Variants in CDH15 observed in about 807,000 individuals in gnomAD.
CDH15 encodes cadherin-15.
A neutral mutation model predicts 69.4 loss-of-function variants in CDH15; 73 were observed. The ratio of observed to expected loss-of-function variants is 1.05; its 90% confidence interval spans 0.87 to 1.28. The LOEUF is 1.28. CDH15 is among the 50% of genes most tolerant of loss of function. The probability of loss-of-function intolerance (pLI) is 0.00; values close to 1 mark genes in which losing one functional copy is unlikely to be tolerated. For missense variants in CDH15, 1,343 were observed against 1,133.6 expected (o/e 1.18, Z -2.65); for synonymous variants, 624 against 507.7 (o/e 1.23, Z -3.08).
At chr16:89,184,984 G>T (rs555763419) in intron 4 of CDH15, among the ~76,000 whole-genome samples, 189 bp from the exon 5 acceptor site, 1 of 152,200 alleles carries the variant, frequency 6.6e-6, no homozygotes. Flanking sequence ...GAAGCATCTC[G>T]ACCTGGGGGT....
At chr16:89,190,140 C>T in intron 7 of CDH15, 103 bp from the exon 8 acceptor site, 3 of 1,381,732 alleles carry the variant, frequency 2.2e-6, no homozygotes, top group Non-Finnish European at 3.0e-6. Flanking sequence ...AAGGAAAGTA[C>T]AGGTGCTCTG....
chr16:89,194,447 G>C (rs1304789656), intron 13 of CDH15, among the ~76,000 whole-genome samples: 2 of 152,210 alleles, frequency 1.3e-5, no homozygotes, highest in Non-Finnish European at 2.9e-5. Flanking sequence ...GTCCCCACGA[G>C]CTGAGAGGAC....
intron 5 of CDH15, among the ~76,000 whole-genome samples, chr16:89,186,476 C>T (rs1286767194): frequency 7.6e-6 from 1 of 132,136 alleles, no homozygotes; most frequent in South Asian, 2.5e-4. Context: ...TGTAAAGGCC[C>T]ACCCAGCGCA....
chr16:89,186,746 A>G (rs557557052), intron 5 of CDH15, among the ~76,000 whole-genome samples: 1 of 132,682 alleles, frequency 7.5e-6, no homozygotes, highest in Non-Finnish European at 1.6e-5. Flanking sequence ...CAGCGCACAG[A>G]AGGTGCTCTG....
At position 89,195,378 on chromosome 16, in the gene CDH15, CG is replaced by C; in HGVS notation, c.*226del. 1.7e-6 allele frequency: 1 copy of C among 576,272 alleles called. No homozygotes were observed. Among genetic ancestry groups the C allele is most frequent in the Non-Finnish European group, 3.1e-6 (1 of 326,146 alleles). The allele number at this position is 576,272 out of a possible 1,614,324, so 35.7% of individuals were successfully genotyped here. A position where few individuals can be genotyped will look rare whatever the true frequency, so the allele number is the denominator to read the frequency against. ...AGAGTTTCTCTCCATCGGCCCCATG[CG>C]GGTCACCTCCCTAGTCCCACCTTTG... On this transcript the variant is annotated 3_prime_UTR_variant, in exon 14 of 14. Transcript: ENST00000289746.
At chr16:89,176,702 C>T (rs1420656086) in intron 1 of CDH15, among the ~76,000 whole-genome samples, 2 of 149,960 alleles carry the variant, frequency 1.3e-5, no homozygotes, top group African/African-American at 5.1e-5. Flanking sequence ...GAGCAGGCCG[C>T]GAAGACGGTG....
intron 8 of CDH15, among the ~76,000 whole-genome samples, chr16:89,190,892 C>T (rs745473191): frequency 2.0e-5 from 3 of 152,160 alleles, no homozygotes; most frequent in African/African-American, 2.4e-5. Flanking sequence ...ATTGTCTCAG[C>T]GCCCTGGACA....
intron 3 of CDH15, 132 bp from the exon 4 acceptor site, chr16:89,183,416 T>C: frequency 9.7e-7 from 1 of 1,029,076 alleles, no homozygotes; most frequent in Non-Finnish European, 1.5e-6. Context: ...CCCTGTGCTG[T>C]TTCTCGCCTG....
chr16:89,173,395 G>C (rs74033423), intron 1 of CDH15, among the ~76,000 whole-genome samples: 1 of 152,146 alleles, frequency 6.6e-6, no homozygotes, highest in Non-Finnish European at 1.5e-5. Context: ...TGTGGCAGGT[G>C]GGGAGGCAGG....
chr16:89,173,631 T>C (rs1279920807), intron 1 of CDH15, among the ~76,000 whole-genome samples: 3 of 152,168 alleles, frequency 2.0e-5, no homozygotes, highest in Non-Finnish European at 4.4e-5. Context: ...CAGCTCAGCT[T>C]TCAGGACTGT....
intron 1 of CDH15, among the ~76,000 whole-genome samples, chr16:89,175,361 C>G (rs1915236492): frequency 6.6e-6 from 1 of 152,222 alleles, no homozygotes; most frequent in East Asian, 1.9e-4. Context: ...ATGCCCATGC[C>G]TAGCCCAAGG....
At position 89,190,463 on chromosome 16, in the gene CDH15, G is replaced by A. The variant is rs760162166; in HGVS notation, c.1199G>A (p.Arg400Gln). Residue 400 changes from arginine to glutamine, a missense_variant, in exon 8 of 14, where the codon CGG (arginine) becomes CAG (glutamine). Transcript: ENST00000289746. ...PGTLVATFSARDPDTEQLQRL... is the reference protein window; with the variant it reads ...PGTLVATFSAQDPDTEQLQRL... ...ACTCTGGTGGCCACCTTCTCTGCCC[G>A]GGACCCTGACACAGAGCAGCTGCAG... 55 of 1,601,122 alleles carry A rather than the reference G, an allele frequency of 3.4e-5. No homozygotes were observed. In the South Asian group the frequency reaches 5.3e-4, roughly 15 times the overall value.
chr16:89,184,634 CTTATCCTGTCCGTGCGTCCTCTGTT>C (rs1390733432), intron 4 of CDH15, among the ~76,000 whole-genome samples: 1 of 152,088 alleles, frequency 6.6e-6, no homozygotes, highest in Non-Finnish European at 1.5e-5. Flanking sequence ...CATCCTCTGT[CTTATCCTGTCCGTGCGTCCTCTGTT>C]TTATCCTTCC....
chr16:89,180,460 G>A (rs1915352204), intron 3 of CDH15, 105 bp downstream of exon 3: 2 of 1,307,402 alleles, frequency 1.5e-6, no homozygotes, highest in Admixed American at 2.0e-5. Context: ...TGGGCTTCAG[G>A]CCAGACTGCA....
chr16:89,178,823 C>T (rs576061526), intron 1 of CDH15, among the ~76,000 whole-genome samples: 9 of 152,272 alleles, frequency 5.9e-5, no homozygotes, highest in East Asian at 5.8e-4. Flanking sequence ...TGGAGGGGGA[C>T]GGGCACTTTC....
chr16:89,187,961 C>G, intron 6 of CDH15, 139 bp from the exon 7 acceptor site: 1 of 778,576 alleles, frequency 1.3e-6, no homozygotes, highest in South Asian at 1.7e-5. Context: ...GGAGCAGCTT[C>G]GACAGGAGCA....
intron 1 of CDH15, among the ~76,000 whole-genome samples, chr16:89,174,650 C>T (rs1597300099): frequency 6.6e-6 from 1 of 152,168 alleles, no homozygotes; most frequent in East Asian, 1.9e-4. Context: ...TGGCCCCAGA[C>T]GTCTCAAGGG....
intron 6 of CDH15, 127 bp downstream of exon 6, chr16:89,187,684 C>T (rs1915520972): frequency 3.6e-6 from 5 of 1,375,940 alleles, no homozygotes; most frequent in African/African-American, 2.9e-5. Context: ...GAAGGAACTC[C>T]GCGTGGGCGG....
At position 89,190,259 on chromosome 16, in the gene CDH15, G is replaced by A. The variant is rs1328194015; in HGVS notation, c.995G>A (p.Ser332Asn). ...TTCCCTCAGGCCCTGGACTATGAGA[G>A]CTGTGAACACTACGAACTCAAAGTG... Reference protein sequence around the residue: ...LSIVKALDYESCEHYELKVSV... With the variant: ...LSIVKALDYENCEHYELKVSV... Residue 332 changes from serine (S) to asparagine (N), a missense_variant, in exon 8 of 14, where the codon AGC becomes AAC. Coordinates refer to ENST00000289746, the MANE Select transcript of CDH15 (RefSeq NM_004933.3). 3.1e-6 allele frequency: 5 copies of A among 1,612,580 alleles called. No homozygotes were observed. The African/African-American group carries it at 5.3e-5, about 17-fold the overall frequency.
Sources: allele counts gnomAD v4.1 joint callset (sites outside exome capture counted in the v4.1 genomes callset), GRCh38; gene constraint gnomAD v4.1.1; transcripts MANE v1.5; gene names NCBI Gene and HGNC (gene_info 2026-07-23, HGNC 2026-07-21).